Variants in JAKMIP3 observed in about 807,000 individuals in gnomAD.
JAKMIP3 encodes Janus kinase and microtubule interacting protein 3.
Under a neutral mutation model 118.5 loss-of-function variants are expected in JAKMIP3, and 58 were observed. That is an observed-to-expected ratio of 0.49 (90% confidence interval 0.40 to 0.61). The LOEUF is 0.61. JAKMIP3 is among the 20% of genes least tolerant of loss of function. The pLI is 0.00. For synonymous variants in JAKMIP3, 486 were observed against 451.2 expected (o/e 1.08, Z -0.98); for missense variants, 950 against 1,109.0 (o/e 0.86, Z 2.04).
chr10:132,141,161 T>C (rs991596681), intron 10 of JAKMIP3, among the ~76,000 whole-genome samples: 1 of 152,156 alleles, frequency 6.6e-6, no homozygotes, highest in Non-Finnish European at 1.5e-5. Context: ...GGGTCTGCAG[T>C]CAATGGCACA....
In JAKMIP3 at chr10:132,104,890, C is replaced by CT; in HGVS notation, c.84dup (p.Arg29SerfsTer36). ...GGCGCTGCAGGCGGCCAACGAGGAT[C>CT]TTCGAGCCAAGCTCACAGACATCCA... On this transcript the variant is annotated frameshift_variant, in exon 2 of 24. Coordinates refer to ENST00000684848, the MANE Select transcript of JAKMIP3 (RefSeq NM_001323087.2). The CT allele has an allele frequency of 1.9e-6, 3 of 1,580,344 alleles. No homozygotes were observed. The highest frequency in any genetic ancestry group is 2.6e-6 in the Non-Finnish European group (3 of 1,163,840).
chr10:132,149,498 C>G lies in JAKMIP3; in HGVS notation c.1935C>G (p.Ala645=), dbSNP rs199817578. ...GCCCCCTCCAGGTGTACTGCGAGGC[C>G]GAAGGTGTGACGGTGAGTCCCGCCC... is the stretch of plus-strand genomic sequence containing the variant. ...GKSPLQVYCE[A]EGVTDIVVAE... Residue 645 remains alanine, a synonymous_variant, in exon 15 of 24, where the codon GCC becomes GCG. Transcript: ENST00000684848. 5.0e-6 allele frequency: 8 copies of G among 1,591,614 alleles called. No homozygotes were observed. The highest frequency in any genetic ancestry group is 6.8e-6 in the Non-Finnish European group (8 of 1,170,776).
chr10:132,148,164 A>T, intron 14 of JAKMIP3, 114 bp downstream of exon 14: 1 of 388,262 alleles, frequency 2.6e-6, no homozygotes, highest in East Asian at 6.3e-5. Context: ...ACATGAACCC[A>T]AAAGGCTGCG....
At chr10:132,037,707 G>C (rs988958824) in intron 1 of JAKMIP3, among the ~76,000 whole-genome samples, 1 of 152,220 alleles carries the variant, frequency 6.6e-6, no homozygotes, top group African/African-American at 2.4e-5. Flanking sequence ...AAACTGGAGT[G>C]GGGAGGGCGG....
intron 1 of JAKMIP3, among the ~76,000 whole-genome samples, chr10:132,096,788 C>T (rs188815131): frequency 3.3e-5 from 5 of 152,270 alleles, no homozygotes; most frequent in Non-Finnish European, 5.9e-5. Flanking sequence ...CTGGAGAAAG[C>T]GGCCGGCCAG....
chr10:132,167,828 ACCCCTCGGCCCTCG>A (rs1484616440), intron 22 of JAKMIP3, 111 bp from the exon 23 acceptor site: 1 of 441,340 alleles, frequency 2.3e-6, no homozygotes, highest in Non-Finnish European at 3.7e-6. Context: ...CTCGGCCCTC[ACCCCTCGGCCCTCG>A]CCCCTCGCCC....
chr10:132,116,254 C>G (rs2047628822), intron 2 of JAKMIP3, among the ~76,000 whole-genome samples: 1 of 152,256 alleles, frequency 6.6e-6, no homozygotes, highest in South Asian at 2.1e-4. Flanking sequence ...TCAGGTTTGC[C>G]TGAACAGTAC....
At chr10:132,062,276 T>A (rs1379932703), upstream of JAKMIP3, among the ~76,000 whole-genome samples, 10 of 152,234 alleles carry the variant, frequency 6.6e-5, no homozygotes, top group Non-Finnish European at 4.4e-5. Flanking sequence ...GCGTTCATCC[T>A]GGTCGCTGCT....
At chr10:132,078,198 G>GT (rs34456919) in intron 1 of JAKMIP3, among the ~76,000 whole-genome samples, 117,506 of 152,150 alleles carry the variant, frequency 0.77, 46,701 homozygotes, top group East Asian at 1. Flanking sequence ...GAACTTATTG[G>GT]TTTGTTATTA....
At chr10:132,145,280 C>T (rs1216273416) in intron 12 of JAKMIP3, 90 bp downstream of exon 12, 2 of 1,144,456 alleles carry the variant, frequency 1.7e-6, no homozygotes, top group African/African-American at 3.1e-5. Context: ...GTGGTGCGAT[C>T]ATAACTTTCT....
intron 3 of JAKMIP3, among the ~76,000 whole-genome samples, chr10:132,127,855 G>A (rs1264738706): frequency 6.6e-6 from 1 of 152,024 alleles, no homozygotes; most frequent in Non-Finnish European, 1.5e-5. Context: ...TCATAAATTA[G>A]TAATTTTGCC....
intron 22 of JAKMIP3, 49 bp downstream of exon 22, chr10:132,167,104 G>A (rs766162306): frequency 2.1e-5 from 27 of 1,298,826 alleles, no homozygotes; most frequent in South Asian, 6.5e-5. Flanking sequence ...TCTGCTTCCC[G>A]GAAGACTCCT....
intron 1 of JAKMIP3, among the ~76,000 whole-genome samples, chr10:132,082,454 C>T (rs929135081): frequency 3.9e-5 from 6 of 152,090 alleles, no homozygotes; most frequent in African/African-American, 1.4e-4. Flanking sequence ...GCTTAGCTCC[C>T]ACCTACGAGT....
At chr10:132,151,646 C>T (rs1314263449) in intron 16 of JAKMIP3, among the ~76,000 whole-genome samples, 1 of 152,250 alleles carries the variant, frequency 6.6e-6, no homozygotes, top group South Asian at 2.1e-4. Context: ...CCCAAAGGCA[C>T]TGCCCAGGGT....
At chr10:132,052,529 C>T (rs1409565428) in intron 1 of JAKMIP3, among the ~76,000 whole-genome samples, 1 of 152,168 alleles carries the variant, frequency 6.6e-6, no homozygotes, top group Non-Finnish European at 1.5e-5. Flanking sequence ...GAGAGACCTA[C>T]TCATTCTATC....
At chr10:132,091,205 G>T (rs965868835) in intron 1 of JAKMIP3, among the ~76,000 whole-genome samples, 7 of 152,154 alleles carry the variant, frequency 4.6e-5, no homozygotes, top group Non-Finnish European at 1.0e-4. Flanking sequence ...CCAACTATGT[G>T]GTCAGTTTTG....
Position 132,149,674 on chromosome 10 carries a change from CT to C in JAKMIP3, c.1947+165del, listed in dbSNP as rs1226980656. Among the ~76,000 whole-genome samples, 5 of 9,894 alleles carry C rather than the reference CT, an allele frequency of 5.1e-4. 1 individual carries two copies. Among genetic ancestry groups the C allele is most frequent in the Non-Finnish European group, 1.0e-3 (5 of 4,890 alleles). The allele number at this position is 9,894 out of a possible 152,430, so 6.5% of individuals were successfully genotyped here. A position where few individuals can be genotyped will look rare whatever the true frequency, so the allele number is the denominator to read the frequency against. ...ACCCTCTCCACCCCCGCCCCACCCC[CT>C]CCCTGCCCCACCTCACCCCCTCCCT... is the stretch of plus-strand genomic sequence containing the variant. On this transcript the variant is annotated intron_variant, in intron 15 of 23. Transcript: ENST00000684848.
Position 132,149,495 on chromosome 10 carries a change from G to C in JAKMIP3, c.1932G>C (p.Glu644Asp). 1 of 1,588,408 alleles carries C rather than the reference G, an allele frequency of 6.3e-7. No individual in the cohort carries two copies. The highest frequency in any genetic ancestry group is 2.3e-5 in the East Asian group (1 of 43,874). Residue 644 changes from glutamate to aspartate, a missense_variant, in exon 15 of 24, where the codon GAG becomes GAC. Coordinates refer to ENST00000684848, the MANE Select transcript of JAKMIP3 (RefSeq NM_001323087.2). ...DGKSPLQVYC[E>D]AEGVTDIVVA... is the part of the protein sequence containing the mutation. ...AGAGCCCCCTCCAGGTGTACTGCGA[G>C]GCCGAAGGTGTGACGGTGAGTCCCG...
rs139369880 is a variant in JAKMIP3 at position 132,153,791 on chromosome 10, G to A, written c.2106G>A (p.Ala702=). Residue 702 remains alanine, a synonymous_variant, in exon 18 of 24, where the codon GCG becomes GCA. Transcript: ENST00000684848. ...WLQQIEETEA[A]LQRKMVDLES... is the part of the protein sequence containing the mutation. ...AGCAGATTGAGGAGACAGAGGCGGC[G>A]CTGCAGCGGAAGATGGTGGATCTGG... 59 of 1,613,058 alleles carry A rather than the reference G, an allele frequency of 3.7e-5. No individual in the cohort carries two copies. Among genetic ancestry groups the A allele is most frequent in the East Asian group, 6.7e-5 (3 of 44,880 alleles).
Sources: allele counts gnomAD v4.1 joint callset (sites outside exome capture counted in the v4.1 genomes callset), GRCh38; gene constraint gnomAD v4.1.1; transcripts MANE v1.5; gene names NCBI Gene and HGNC (gene_info 2026-07-23, HGNC 2026-07-21).